Variants in EXOC4 observed in about 807,000 individuals in gnomAD.
EXOC4 encodes SEC8-like 1.
EXOC4 carries 71 observed loss-of-function variants against 107.2 expected under a neutral mutation model. That is an observed-to-expected ratio of 0.66 (90% CI 0.55 to 0.81). EXOC4 has a LOEUF of 0.81. Among genes scored for constraint, EXOC4 ranks in the 30% least tolerant of loss-of-function variants. The pLI, the probability that EXOC4 is intolerant of heterozygous loss-of-function variation, is 0.00. For synonymous variants in EXOC4, 456 were observed against 441.2 expected (o/e 1.03, Z -0.42); for missense variants, 1,108 against 1,189.6 (o/e 0.93, Z 1.01).
chr7:133,698,557 A>G (rs922158870), intron 10 of EXOC4, among the ~76,000 whole-genome samples: 2 of 135,078 alleles, frequency 1.5e-5, no homozygotes, highest in Admixed American at 8.0e-5. Context: ...ACTCCAGCAC[A>G]GACACCAGAG....
chr7:134,086,514 A>T, the EXOC4 span, among the ~76,000 whole-genome samples: 1 of 152,294 alleles, frequency 6.6e-6, no homozygotes, highest in African/African-American at 2.4e-5. Context: ...AACAAAAGTA[A>T]GATTAACAGA....
At chr7:134,057,962 A>C (rs1032428328) in intron 17 of EXOC4, among the ~76,000 whole-genome samples, 7 of 152,206 alleles carry the variant, frequency 4.6e-5, no homozygotes, top group Non-Finnish European at 7.3e-5. Context: ...TTGATCTCTT[A>C]AATATTTACC....
intron 9 of EXOC4, among the ~76,000 whole-genome samples, chr7:133,532,873 G>A (rs1800206330): frequency 6.6e-6 from 1 of 152,036 alleles, no homozygotes; most frequent in Admixed American, 6.6e-5. Flanking sequence ...TACTGAACAG[G>A]AAATAGGGTT....
At chr7:133,479,690 C>T (rs1325729018) in intron 8 of EXOC4, 4 of 223,184 alleles carry the variant, frequency 1.8e-5, no homozygotes, top group Middle Eastern at 1.8e-3. Flanking sequence ...TGGATGGTAA[C>T]GTAATTAGAA....
At chr7:133,276,535 A>G (rs148975857) in intron 2 of EXOC4, among the ~76,000 whole-genome samples, 1 of 152,212 alleles carries the variant, frequency 6.6e-6, no homozygotes, top group Non-Finnish European at 1.5e-5. Context: ...AAAGCAGCAG[A>G]AACTTTTTTT....
At chr7:133,646,705 A>C (rs998406666) in intron 10 of EXOC4, among the ~76,000 whole-genome samples, 1 of 152,190 alleles carries the variant, frequency 6.6e-6, no homozygotes, top group Non-Finnish European at 1.5e-5. Context: ...TGCTCTTCAA[A>C]ATATAATTAG....
intron 7 of EXOC4, among the ~76,000 whole-genome samples, chr7:133,380,905 T>C (rs911991884): frequency 6.6e-6 from 1 of 152,228 alleles, no homozygotes; most frequent in African/African-American, 2.4e-5. Flanking sequence ...GTTTAATTGC[T>C]CTGAGGCCAA....
At chr7:134,049,711 G>T (rs578106623) in intron 17 of EXOC4, among the ~76,000 whole-genome samples, 1 of 152,136 alleles carries the variant, frequency 6.6e-6, no homozygotes, top group Non-Finnish European at 1.5e-5. Flanking sequence ...ACCAGACTCT[G>T]CATCGCCAGA....
At chr7:133,503,802 A>G (rs775233208) in intron 9 of EXOC4, among the ~76,000 whole-genome samples, 1 of 151,912 alleles carries the variant, frequency 6.6e-6, no homozygotes, top group African/African-American at 2.4e-5. Context: ...TTCTTAACCT[A>G]TGTGTGTTAT....
chr7:133,310,286 T>G (rs1201357783), intron 4 of EXOC4, among the ~76,000 whole-genome samples: 2 of 152,136 alleles, frequency 1.3e-5, no homozygotes, highest in Non-Finnish European at 2.9e-5. Flanking sequence ...CAGATAGTGC[T>G]GAACCCTGAA....
chr7:133,565,731 C>T (rs976826126), intron 9 of EXOC4, among the ~76,000 whole-genome samples: 1 of 152,164 alleles, frequency 6.6e-6, no homozygotes, highest in South Asian at 2.1e-4. Context: ...AAGTTTGAAT[C>T]TTCTGGGTTT....
At chr7:133,695,829 A>G (rs1195283807) in intron 10 of EXOC4, among the ~76,000 whole-genome samples, 2 of 152,226 alleles carry the variant, frequency 1.3e-5, no homozygotes, top group Non-Finnish European at 2.9e-5. Flanking sequence ...TATCCTAACA[A>G]TTATGTTGTA....
At chr7:133,699,818 C>G (rs1471719554) in intron 10 of EXOC4, among the ~76,000 whole-genome samples, 2 of 152,116 alleles carry the variant, frequency 1.3e-5, no homozygotes, top group Admixed American at 6.5e-5. Flanking sequence ...TGAACATTCA[C>G]TAAATGTTTG....
downstream of EXOC4, among the ~76,000 whole-genome samples, chr7:134,069,458 C>T (rs560163741): frequency 2.0e-5 from 3 of 151,246 alleles, no homozygotes; most frequent in African/African-American, 7.3e-5. Context: ...CCTCCTCCTT[C>T]TCCTTCCTCC....
intron 9 of EXOC4, among the ~76,000 whole-genome samples, chr7:133,608,546 CTTTTTT>C (rs1161155238): frequency 8.2e-4 from 70 of 85,014 alleles, no homozygotes; most frequent in Middle Eastern, 0.011. Context: ...TGCTGTATTT[CTTTTTT>C]TTTTTTTTTT....
chr7:134,052,947 T>A (rs1795831712), intron 17 of EXOC4, among the ~76,000 whole-genome samples: 1 of 152,232 alleles, frequency 6.6e-6, no homozygotes, highest in South Asian at 2.1e-4. Flanking sequence ...AGATCAATTA[T>A]TTCATTCATA....
chr7:133,708,251 AGAATTT>A (rs1464733907), intron 10 of EXOC4, among the ~76,000 whole-genome samples: 3 of 152,240 alleles, frequency 2.0e-5, no homozygotes, highest in Non-Finnish European at 2.9e-5. Flanking sequence ...AAATAAATGA[AGAATTT>A]GAGGCATTTA....
chr7:134,017,532 A>G (rs552926150), intron 17 of EXOC4, among the ~76,000 whole-genome samples: 7 of 152,282 alleles, frequency 4.6e-5, no homozygotes, highest in African/African-American at 1.7e-4. Context: ...CATCTCTCCA[A>G]TTAAACCTTC....
At chr7:133,469,727 C>G (rs1798824816) in intron 7 of EXOC4, among the ~76,000 whole-genome samples, 1 of 152,144 alleles carries the variant, frequency 6.6e-6, no homozygotes, top group African/African-American at 2.4e-5. Context: ...GATGTGAGAC[C>G]TATAACACTA....
Sources: allele counts gnomAD v4.1 joint callset (sites outside exome capture counted in the v4.1 genomes callset), GRCh38; gene constraint gnomAD v4.1.1; transcripts MANE v1.5; gene names NCBI Gene and HGNC (gene_info 2026-07-23, HGNC 2026-07-21).